The following JMJD1C variants were observed in gnomAD, a reference collection of about 807,000 sequenced individuals.
JMJD1C encodes the protein jumonji domain containing 1C.
In JMJD1C, 31 loss-of-function variants were observed where a neutral mutation model predicts 245.3. The ratio of observed to expected loss-of-function variants is 0.13; its 90% CI spans 0.09 to 0.17. JMJD1C has a LOEUF of 0.17. JMJD1C is among the 10% of genes least tolerant of loss of function. The pLI, the probability that JMJD1C is intolerant of heterozygous loss-of-function variation, is 1.00. For synonymous variants in JMJD1C, 1,057 were observed against 1,017.4 expected (o/e 1.04, Z -0.74); for missense variants, 2,691 against 3,000.2 (o/e 0.90, Z 2.41).
At chr10:63,228,512 T>A (rs1849575771) in intron 3 of JMJD1C, among the ~76,000 whole-genome samples, 2 of 151,990 alleles carry the variant, frequency 1.3e-5, no homozygotes, top group South Asian at 2.1e-4. Flanking sequence ...CAGAGGGAGA[T>A]CCTGTCTCTA....
At chr10:63,198,468 TTAAAA>T (rs1564590384) in intron 12 of JMJD1C, 40 bp downstream of exon 12, 1 of 1,201,522 alleles carries the variant, frequency 8.3e-7, no homozygotes, top group Admixed American at 2.3e-5. Flanking sequence ...AGAGAAATTC[TTAAAA>T]TGAAATTTGT....
intron 1 of JMJD1C, among the ~76,000 whole-genome samples, chr10:63,513,554 C>T (rs534029930): frequency 2.5e-4 from 38 of 152,268 alleles, no homozygotes; most frequent in African/African-American, 9.1e-4. Flanking sequence ...TATTCACAAA[C>T]CATGTATCTG....
chr10:63,446,411 C>A (rs933404508), intron 1 of JMJD1C, among the ~76,000 whole-genome samples: 4 of 152,088 alleles, frequency 2.6e-5, no homozygotes, highest in African/African-American at 9.7e-5. Flanking sequence ...AATGAATAAG[C>A]TGTTTCAACA....
chr10:63,480,797 C>T (rs2133184968), intron 1 of JMJD1C, among the ~76,000 whole-genome samples: 1 of 152,186 alleles, frequency 6.6e-6, no homozygotes, highest in South Asian at 2.1e-4. Context: ...AAGCCCAGGA[C>T]TCTGGCTATA....
chr10:63,274,329 C>T (rs986767349), intron 2 of JMJD1C, among the ~76,000 whole-genome samples: 4 of 152,162 alleles, frequency 2.6e-5, no homozygotes, highest in East Asian at 3.8e-4. Flanking sequence ...CTCTGGGAGG[C>T]GGAGGCAGGT....
chr10:63,325,959 AGTT>A (rs1413128667), intron 2 of JMJD1C, among the ~76,000 whole-genome samples: 3 of 152,218 alleles, frequency 2.0e-5, no homozygotes, highest in Non-Finnish European at 2.9e-5. Context: ...ATCATAGCAC[AGTT>A]GTTTTTGAAT....
Position 63,206,906 on chromosome 10 carries a change from G to A in JMJD1C, c.4763C>T (p.Ala1588Val), listed in dbSNP as rs1404794797. ...ATTTTGTATATCACTAGATGTAGAGGCTATTAAGTTGACAGAACATGGCTT... is the reference window on the plus strand; with the variant it reads ...ATTTTGTATATCACTAGATGTAGAGACTATTAAGTTGACAGAACATGGCTT... ...IIKPCSVNLI[A>V]STSSDIQNSV... The change falls in exon 10 of 26, where the codon GCC becomes GTC. Residue 1588 changes from alanine (A) to valine (V), a missense_variant. By Grantham distance (64) the Ala-to-Val change is moderately conservative (BLOSUM62 0). This residue lies in a region of JMJD1C where 144 missense variants were observed against 143.3 expected (regional missense o/e 1.00). Coordinates refer to ENST00000399262, the MANE Select transcript of JMJD1C (RefSeq NM_032776.3). The A allele has an allele frequency of 7.5e-6, 12 of 1,607,992 alleles. No homozygotes were observed. The highest frequency in any genetic ancestry group is 2.7e-5 in the African/African-American group (2 of 74,730).
rs756966644 is a variant in JMJD1C, at chr10:63,207,053, G to A, written c.4616C>T (p.Ser1539Phe). ...ATGGTAGTTTGGTTGACTTGTCTGG[G>A]AAGCTTGCCCATTTCCTACAGAGTT... ...KANSVGNGQA[S>F]QTSQPNYHTK... Residue 1539 changes from serine (S) to phenylalanine (F), a missense_variant, in exon 10 of 26, where the codon TCC becomes TTC. Ser to Phe is a radical substitution (Grantham distance 155, BLOSUM62 -2). Around this residue, in one of 9 missense-constraint regions of JMJD1C, gnomAD observed 1,562 missense variants for 1,490.7 expected, o/e 1.05. Transcript: ENST00000399262. 2 of 1,614,134 alleles carry A rather than the reference G, an allele frequency of 1.2e-6. No individual in the cohort carries two copies. Among genetic ancestry groups the A allele is most frequent in the Non-Finnish European group, 1.7e-6 (2 of 1,180,030 alleles).
At chr10:63,177,375 C>T (rs574338723) in intron 23 of JMJD1C, 20 of 265,002 alleles carry the variant, frequency 7.5e-5, no homozygotes, top group African/African-American at 4.0e-4. Context: ...CTTCTTTAGA[C>T]GTTTCCATGA....
rs71025127 is a variant in JMJD1C at position 63,221,107 on chromosome 10, T to TAA, written c.448-1126_448-1125dup. Among the ~76,000 whole-genome samples the TAA allele has an allele frequency of 1.9e-3, 264 of 138,878 alleles. 4 individuals carry two copies. The highest frequency in any genetic ancestry group is 7.5e-3 in the East Asian group (35 of 4,664). The allele number at this position is 138,878 out of a possible 152,430, so 91.1% of individuals were successfully genotyped here. Reference sequence around the variant, plus strand: ...CCTGGGCGACAGTGAGACTCCGTCTTAAAAAAAAAAAAAAAGTGGACAGGC... The same window carrying TAA: ...CCTGGGCGACAGTGAGACTCCGTCTTAAAAAAAAAAAAAAAAAGTGGACAGGC... On this transcript the variant is annotated intron_variant, in intron 3 of 25. Transcript: ENST00000399262.
intron 1 of JMJD1C, among the ~76,000 whole-genome samples, chr10:63,501,505 C>G (rs1954558558): frequency 6.6e-6 from 1 of 152,120 alleles, no homozygotes; most frequent in Admixed American, 6.6e-5. Context: ...CGGCTAGACA[C>G]GGTGGCTCAC....
chr10:63,231,092 T>C (rs12254873), intron 3 of JMJD1C, among the ~76,000 whole-genome samples: 10 of 152,164 alleles, frequency 6.6e-5, no homozygotes, highest in African/African-American at 1.9e-4. Context: ...AACATGAATA[T>C]TTTAGAGCCA....
chr10:63,450,066 T>C (rs746880204), intron 1 of JMJD1C, among the ~76,000 whole-genome samples: 2 of 152,128 alleles, frequency 1.3e-5, no homozygotes, highest in South Asian at 2.1e-4. Context: ...TGAGCTGTGA[T>C]TGTGCCACTG....
Position 63,213,565 on chromosome 10 carries a change from T to C in JMJD1C, c.2602A>G (p.Asn868Asp), listed in dbSNP as rs779371507. The change falls in exon 8 of 26, where the codon AAT (asparagine) becomes GAT (aspartate). Residue 868 changes from asparagine to aspartate, a missense_variant. By Grantham distance (23) the Asn-to-Asp change is conservative. This residue lies in a region of JMJD1C where 1,562 missense variants were observed against 1,490.7 expected (regional missense o/e 1.05). Coordinates refer to ENST00000399262, the MANE Select transcript of JMJD1C (RefSeq NM_032776.3). ...AGTCCTGAGTATGCATGTGTTCCAT[T>C]TGGATACTGCCAAATAATTGGATAA... ...GLYPIIWQYP[N>D]GTHAYSGLGL... The C allele has an allele frequency of 4.3e-6, 7 of 1,614,090 alleles. No homozygotes were observed. Among genetic ancestry groups the C allele is most frequent in the Non-Finnish European group, 5.9e-6 (7 of 1,179,936 alleles).
chr10:63,277,170 C>T (rs1387789811), intron 2 of JMJD1C, among the ~76,000 whole-genome samples: 1 of 151,738 alleles, frequency 6.6e-6, no homozygotes, highest in Non-Finnish European at 1.5e-5. Context: ...CATGAGCCAC[C>T]GTGCCTGGCC....
intron 1 of JMJD1C, among the ~76,000 whole-genome samples, chr10:63,444,997 T>C (rs530875752): frequency 1.3e-5 from 2 of 151,934 alleles, no homozygotes; most frequent in South Asian, 4.2e-4. Flanking sequence ...GAAGCTGAGG[T>C]GAAAGGATCG....
intron 2 of JMJD1C, among the ~76,000 whole-genome samples, chr10:63,302,733 C>A (rs938035320): frequency 2.0e-5 from 3 of 152,228 alleles, no homozygotes; most frequent in Non-Finnish European, 2.9e-5. Context: ...AAAGCTCTAG[C>A]ACAAGCTGGA....
At chr10:63,424,761 A>C (rs1950344185) in intron 1 of JMJD1C, among the ~76,000 whole-genome samples, 1 of 152,184 alleles carries the variant, frequency 6.6e-6, no homozygotes, top group African/African-American at 2.4e-5. Flanking sequence ...AAAAAAGTAT[A>C]AACTGCTCAA....
rs993251535 is a variant in JMJD1C at position 63,177,635 on chromosome 10, T to C, written c.7224+82A>G. On this transcript the variant is annotated intron_variant, in intron 23 of 25. Coordinates refer to ENST00000399262, the MANE Select transcript of JMJD1C (RefSeq NM_032776.3). The stretch of plus-strand genomic sequence containing the variant: ...AAAATTATGTAATGGTCTTATATTG[T>C]TGAATGCCAAGTGAAGGTACGGCAA... 1.7e-5 allele frequency: 24 copies of C among 1,434,914 alleles called. No individual in the cohort carries two copies. The African/African-American group carries it at 2.8e-4, about 17-fold the overall frequency. The allele number at this position is 1,434,914 out of a possible 1,614,324, so 88.9% of individuals were successfully genotyped here. A position where few individuals can be genotyped will look rare whatever the true frequency, so the allele number is the denominator to read the frequency against.
Sources: gnomAD v4.1 joint callset for allele counts (sites outside exome capture counted in the v4.1 genomes callset) on GRCh38, gnomAD v4.1.1 for gene constraint, gnomAD v4.1.1 regional missense constraint, MANE v1.5 for transcripts, NCBI Gene and HGNC (gene_info 2026-07-23, HGNC 2026-07-21) for gene names.